SLMAP: variants seen among roughly 807,000 people sequenced by gnomAD.
The protein encoded by SLMAP is sarcolemma associated protein.
A neutral mutation model predicts 128.8 loss-of-function variants in SLMAP; 44 were observed. The observed-to-expected ratio is 0.34, with a 90% CI of 0.27 to 0.44. The LOEUF is 0.44. Among genes scored for constraint, SLMAP ranks in the 20% least tolerant of loss-of-function variants. The probability of loss-of-function intolerance (pLI) is 1.00; values close to 1 mark genes in which losing one functional copy is unlikely to be tolerated. For missense variants in SLMAP, 787 were observed against 985.3 expected (o/e 0.80, Z 2.69); for synonymous variants, 327 against 348.8 (o/e 0.94, Z 0.70).
intron 6 of SLMAP, among the ~76,000 whole-genome samples, chr3:57,855,151 G>A (rs914514827): frequency 2.6e-5 from 4 of 152,150 alleles, no homozygotes; most frequent in African/African-American, 9.7e-5. Context: ...ACCGAGGCAG[G>A]AGGAACACTT....
intron 13 of SLMAP, among the ~76,000 whole-genome samples, chr3:57,868,930 A>G (rs1232288046): frequency 7.4e-6 from 1 of 135,324 alleles, no homozygotes; most frequent in Non-Finnish European, 1.6e-5. Flanking sequence ...ATAATATAAT[A>G]TATGTTATAT....
intron 2 of SLMAP, among the ~76,000 whole-genome samples, chr3:57,828,353 C>T (rs1247736371): frequency 1.3e-5 from 2 of 152,154 alleles, no homozygotes; most frequent in Non-Finnish European, 2.9e-5. Flanking sequence ...AATTGTTTTA[C>T]AGGAGGTACA....
At chr3:57,898,804 A>G (rs2153662553) in intron 17 of SLMAP, 1 of 152,374 alleles carries the variant, frequency 6.6e-6, no homozygotes, top group East Asian at 1.9e-4. Flanking sequence ...GGGTTCAGTC[A>G]TAGGTTTGCC....
intron 2 of SLMAP, among the ~76,000 whole-genome samples, chr3:57,771,857 T>C (rs1420735578): frequency 6.6e-6 from 1 of 152,228 alleles, no homozygotes; most frequent in Non-Finnish European, 1.5e-5. Context: ...TCTACTAAGT[T>C]TGTACAGTTT....
intron 2 of SLMAP, among the ~76,000 whole-genome samples, chr3:57,802,021 T>G (rs571815952): frequency 2.0e-5 from 3 of 152,334 alleles, no homozygotes; most frequent in African/African-American, 7.2e-5. Context: ...ATTTTGTTGT[T>G]TTTATCCTTC....
At chr3:57,861,656 T>C (rs2095069622) in intron 9 of SLMAP, among the ~76,000 whole-genome samples, 1 of 152,196 alleles carries the variant, frequency 6.6e-6, no homozygotes, top group Admixed American at 6.5e-5. Context: ...CTAAAAGTCA[T>C]ACCCATTGGC....
chr3:57,773,384 T>A (rs949395837), intron 2 of SLMAP, among the ~76,000 whole-genome samples: 5 of 152,218 alleles, frequency 3.3e-5, no homozygotes, highest in Admixed American at 6.5e-5. Flanking sequence ...TTAATTCTTG[T>A]TTATATTAAT....
chr3:57,844,198 G>A (rs555286536), intron 4 of SLMAP, among the ~76,000 whole-genome samples: 2 of 152,080 alleles, frequency 1.3e-5, no homozygotes, highest in South Asian at 4.2e-4. Flanking sequence ...TTTGAGACTA[G>A]CCTGGGCAAC....
In SLMAP at chr3:57,757,592, C is replaced by T; in HGVS notation, c.-60C>T. On this transcript the variant is annotated 5_prime_UTR_variant, in exon 2 of 25. Coordinates refer to ENST00000671191, the MANE Select transcript of SLMAP (RefSeq NM_001377540.1). ...GGGGCATAGGCTTGTGAAGGGCAGT[C>T]CGGATCCGGAGGAACTCCTCTTTGT... 1 of 1,552,758 alleles carries T rather than the reference C, an allele frequency of 6.4e-7. No homozygotes were observed. Among genetic ancestry groups the T allele is most frequent in the South Asian group, 1.1e-5 (1 of 88,594 alleles).
intron 14 of SLMAP, among the ~76,000 whole-genome samples, chr3:57,883,654 T>C (rs1305705787): frequency 6.6e-6 from 1 of 152,040 alleles, no homozygotes; most frequent in African/African-American, 2.4e-5. Flanking sequence ...CACAAGAGAA[T>C]GGGAGAGAAG....
At chr3:57,906,332 T>TTTTTTTTTTTTTTTTTTTTTC (rs1491216777) in intron 17 of SLMAP, among the ~76,000 whole-genome samples, 6 of 136,954 alleles carry the variant, frequency 4.4e-5, no homozygotes, top group Admixed American at 8.0e-5. Flanking sequence ...TTTTTTTTTT[T>TTTTTTTTTTTTTTTTTTTTTC]AGAGACACAG....
chr3:57,841,280 ATTTG>A lies in SLMAP; in HGVS notation c.347-11_347-8del, dbSNP rs1370483543. 6.8e-7 allele frequency: 1 copy of A among 1,475,346 alleles called. No homozygotes were observed. The highest frequency in any genetic ancestry group is 9.4e-7 in the Non-Finnish European group (1 of 1,066,724). 91.4% of individuals were successfully genotyped at this position (1,475,346 alleles called of 1,614,324 possible). A position where few individuals can be genotyped will look rare whatever the true frequency, so the allele number is the denominator to read the frequency against. On this transcript the variant is annotated splice_polypyrimidine_tract_variant and intron_variant, in intron 3 of 24. Coordinates refer to ENST00000671191, the MANE Select transcript of SLMAP (RefSeq NM_001377540.1). ...TTTAAACAATTATTTCATCCATATTATTTGTTTGTTTCAACCAGTTACCCATGGG... is the reference window on the plus strand; with the variant it reads ...TTTAAACAATTATTTCATCCATATTATTTGTTTCAACCAGTTACCCATGGG...
intron 5 of SLMAP, among the ~76,000 whole-genome samples, chr3:57,849,511 A>G (rs2094429517): frequency 6.6e-6 from 1 of 152,190 alleles, no homozygotes; most frequent in South Asian, 2.1e-4. Context: ...TTTAATGATG[A>G]ATTTTAAAGG....
At chr3:57,787,024 C>T (rs919099921) in intron 2 of SLMAP, among the ~76,000 whole-genome samples, 1 of 152,162 alleles carries the variant, frequency 6.6e-6, no homozygotes, top group Admixed American at 6.5e-5. Context: ...GCGTGAGCCA[C>T]CGCACCCTGC....
chr3:57,896,302 T>C, intron 15 of SLMAP: 2 of 1,284,620 alleles, frequency 1.6e-6, no homozygotes. Flanking sequence ...GCAGACATGA[T>C]CCACATTATA....
At chr3:57,900,248 C>T (rs1489343414) in intron 17 of SLMAP, 4 of 152,088 alleles carry the variant, frequency 2.6e-5, no homozygotes, top group Admixed American at 2.6e-4. Flanking sequence ...CGACTTGTCA[C>T]ATTTGTCAGC....
chr3:57,780,242 G>T (rs963935014), intron 2 of SLMAP, among the ~76,000 whole-genome samples: 6 of 151,658 alleles, frequency 4.0e-5, no homozygotes, highest in African/African-American at 1.5e-4. Flanking sequence ...GACCTCCTGG[G>T]CTCAAGCCAT....
At chr3:57,862,289 G>T (rs1189818974) in intron 10 of SLMAP, among the ~76,000 whole-genome samples, 2 of 152,004 alleles carry the variant, frequency 1.3e-5, no homozygotes, top group Non-Finnish European at 2.9e-5. Context: ...CTGCACTCCA[G>T]CCTGGGCGAC....
At chr3:57,875,028 G>T in intron 14 of SLMAP, among the ~76,000 whole-genome samples, 1 of 152,014 alleles carries the variant, frequency 6.6e-6, no homozygotes, top group Non-Finnish European at 1.5e-5. Context: ...GGGGGAAAAT[G>T]GACCAAATAA....
Sources: allele counts gnomAD v4.1 joint callset (sites outside exome capture counted in the v4.1 genomes callset), GRCh38; gene constraint gnomAD v4.1.1; transcripts MANE v1.5; gene names NCBI Gene and HGNC (gene_info 2026-07-23, HGNC 2026-07-21).